The following GOLM1 variants were observed in gnomAD, a reference collection of about 807,000 sequenced individuals.
The protein encoded by GOLM1 is golgi membrane protein 1.
Under a neutral mutation model 50.5 loss-of-function variants are expected in GOLM1, and 31 were observed. The observed-to-expected ratio is 0.61, with a 90% CI of 0.46 to 0.83. The LOEUF is 0.83. Ranked by LOEUF, GOLM1 falls within the 40% of genes least tolerant of loss-of-function variation. The pLI is 0.00. For synonymous variants in GOLM1, 178 were observed against 192.8 expected, an observed-to-expected ratio of 0.92 and a Z score of 0.64; for missense variants, 491 against 501.3, an observed-to-expected ratio of 0.98 and a Z score of 0.20.
At chr9:86,069,141 T>TC (rs1834383911) in intron 3 of GOLM1, among the ~76,000 whole-genome samples, 1 of 151,968 alleles carries the variant, frequency 6.6e-6, no homozygotes, top group Non-Finnish European at 1.5e-5. Context: ...ATCTCTATTT[T>TC]TTTTTTTAAA....
chr9:86,091,705 A>G (rs983251812), intron 1 of GOLM1, among the ~76,000 whole-genome samples: 7 of 152,184 alleles, frequency 4.6e-5, no homozygotes, highest in African/African-American at 1.7e-4. Flanking sequence ...GCTGCCGCAC[A>G]TGGCTTGACA....
At chr9:86,037,715 G>A (rs1833192627) in intron 6 of GOLM1, among the ~76,000 whole-genome samples, 1 of 152,150 alleles carries the variant, frequency 6.6e-6, no homozygotes, top group African/African-American at 2.4e-5. Context: ...CTTAAGCCTG[G>A]AGACAGACAG....
rs547013366 is a variant in GOLM1, at chr9:86,032,679, A to G, written c.1129+603T>C. On this transcript the variant is annotated intron_variant, in intron 9 of 9. Coordinates refer to ENST00000388712, the MANE Select transcript of GOLM1 (RefSeq NM_016548.4). ...GCATCCTCTTCTAGATGACGTATTA[A>G]TATCAAAAGGAAAATGGCCTTCTGA... 1.2e-4 allele frequency among the ~76,000 whole-genome samples: 18 copies of G among 152,322 alleles called. No homozygotes were observed. In the South Asian group the frequency reaches 3.3e-3, roughly 28 times the overall value.
chr9:86,050,229 T>C (rs1447093833), intron 4 of GOLM1, among the ~76,000 whole-genome samples: 2 of 152,140 alleles, frequency 1.3e-5, no homozygotes, highest in African/African-American at 4.8e-5. Context: ...CTTGATTGTG[T>C]TGGATAAGCT....
intron 8 of GOLM1, 25 bp downstream of exon 8, chr9:86,035,343 G>A (rs891927459): frequency 8.1e-6 from 13 of 1,607,200 alleles, no homozygotes; most frequent in Non-Finnish European, 1.1e-5. Flanking sequence ...GGAGTCCACA[G>A]CGGCCCCCGA....
intron 5 of GOLM1, among the ~76,000 whole-genome samples, chr9:86,045,718 A>G (rs908273429): frequency 2.0e-5 from 3 of 151,664 alleles, no homozygotes; most frequent in African/African-American, 4.9e-5. Flanking sequence ...ACACACACGT[A>G]CATAACGCAA....
Position 86,033,298 on chromosome 9 carries a change from A to G in GOLM1, c.1113T>C (p.Asn371=). ...ETDKQAALAG[N]DRNIDVFNVE... ...CATTCTTACCATCTATGTTTCTGTC[A>G]TTCCCTGCCAGGGCTGCTTGCTTGT... The change falls in exon 9 of 10, where the codon AAT becomes AAC. Residue 371 remains asparagine, a synonymous_variant. Transcript: ENST00000388712. 6.2e-7 allele frequency: 1 copy of G among 1,603,880 alleles called. No individual in the cohort carries two copies. The highest frequency in any genetic ancestry group is 8.5e-7 in the Non-Finnish European group (1 of 1,170,606).
At chr9:86,028,304 CAGA>C (rs970567873) in intron 9 of GOLM1, among the ~76,000 whole-genome samples, 1 of 152,186 alleles carries the variant, frequency 6.6e-6, no homozygotes, top group African/African-American at 2.4e-5. Flanking sequence ...AACACACTGG[CAGA>C]AGAACACATC....
chr9:86,087,805 G>C (rs1835026184), intron 1 of GOLM1, among the ~76,000 whole-genome samples: 1 of 152,166 alleles, frequency 6.6e-6, no homozygotes, highest in Non-Finnish European at 1.5e-5. Context: ...GATTGTAGTG[G>C]ATAAGCTTTT....
intron 1 of GOLM1, chr9:86,079,583 C>G (rs1834726911): frequency 8.7e-6 from 3 of 344,890 alleles, no homozygotes; most frequent in African/African-American, 2.1e-5. Context: ...GAGCAGGCAC[C>G]GCCCCGAAAC....
chr9:86,070,992 A>G (rs1208695288), intron 3 of GOLM1, among the ~76,000 whole-genome samples: 1 of 152,086 alleles, frequency 6.6e-6, no homozygotes, highest in Non-Finnish European at 1.5e-5. Context: ...GTATCTCTAT[A>G]TCTTTCCAGA....
At position 86,027,303 on chromosome 9, in the gene GOLM1, CATTG is replaced by C. The variant is rs543828213; in HGVS notation, c.*510_*513del. ...TGTGTTAACAGTCAGTGCTCTAGGC[CATTG>C]ATTGATTGATTGTCAGAATCAGAAG... On this transcript the variant is annotated 3_prime_UTR_variant, in exon 10 of 10. Transcript: ENST00000388712. The C allele has an allele frequency of 2.7e-4, 265 of 985,562 alleles. No individual in the cohort carries two copies. Among genetic ancestry groups the C allele is most frequent in the African/African-American group, 1.2e-3 (71 of 57,338 alleles). 61.1% of individuals were successfully genotyped at this position (985,562 alleles called of 1,614,324 possible).
chr9:86,077,646 C>T, intron 2 of GOLM1, 55 bp from the exon 3 acceptor site: 2 of 1,335,048 alleles, frequency 1.5e-6, no homozygotes, highest in South Asian at 1.2e-5. Context: ...GGAGCCTGGA[C>T]CACCTGAGCG....
At chr9:86,078,978 A>G (rs543753771) in intron 2 of GOLM1, among the ~76,000 whole-genome samples, 1 of 152,232 alleles carries the variant, frequency 6.6e-6, no homozygotes, top group Non-Finnish European at 1.5e-5. Flanking sequence ...CCGCAATCCT[A>G]CACAACCACA....
intron 3 of GOLM1, among the ~76,000 whole-genome samples, chr9:86,062,336 C>A (rs544111354): frequency 2.3e-4 from 35 of 152,140 alleles, no homozygotes; most frequent in Admixed American, 1.2e-3. Context: ...CTGGCTCACA[C>A]CCTCCCCCAG....
chr9:86,062,487 AGGAG>A (rs1227278451), intron 3 of GOLM1, among the ~76,000 whole-genome samples: 1 of 145,492 alleles, frequency 6.9e-6, no homozygotes, highest in Non-Finnish European at 1.5e-5. Context: ...AGGACGGGGG[AGGAG>A]GGAGGAAGAG....
At chr9:86,084,500 C>T (rs779079599) in intron 1 of GOLM1, among the ~76,000 whole-genome samples, 2 of 152,080 alleles carry the variant, frequency 1.3e-5, no homozygotes, top group South Asian at 4.1e-4. Flanking sequence ...ACGCGTCAGA[C>T]ATTCTATAAA....
At position 86,079,356 on chromosome 9, in the gene GOLM1, CAAAT is replaced by C. The variant is rs752981414; in HGVS notation, c.-21-19_-21-16del. ...GCGCTGAGAATCTGCCAAGTAAAAG[CAAAT>C]AAATAAACATCAATACTAGTTTTAT... On this transcript the variant is annotated splice_polypyrimidine_tract_variant and intron_variant, in intron 1 of 9. Transcript: ENST00000388712. The C allele has an allele frequency of 6.4e-7, 1 of 1,557,046 alleles. No individual in the cohort carries two copies. Among genetic ancestry groups the C allele is most frequent in the Non-Finnish European group, 8.7e-7 (1 of 1,149,162 alleles).
At chr9:86,068,476 A>T (rs1834366853) in intron 3 of GOLM1, among the ~76,000 whole-genome samples, 1 of 152,244 alleles carries the variant, frequency 6.6e-6, no homozygotes, top group Non-Finnish European at 1.5e-5. Flanking sequence ...GCTGAAAAGA[A>T]GCCACACTGC....
Sources: gnomAD v4.1 joint callset for allele counts (sites outside exome capture counted in the v4.1 genomes callset) on GRCh38, gnomAD v4.1.1 for gene constraint, MANE v1.5 for transcripts, NCBI Gene and HGNC (gene_info 2026-07-23, HGNC 2026-07-21) for gene names.